MAP3K19: variants seen among roughly 807,000 people sequenced by gnomAD.
The protein encoded by MAP3K19 is mitogen-activated protein kinase kinase kinase 19.
Under a neutral mutation model 114.4 loss-of-function variants are expected in MAP3K19, and 91 were observed. That is an observed-to-expected ratio of 0.80 (90% confidence interval 0.67 to 0.95). MAP3K19 has a LOEUF of 0.95. Ranked by LOEUF, MAP3K19 falls within the 40% of genes least tolerant of loss-of-function variation. The probability of loss-of-function intolerance (pLI) is 0.00; values close to 1 mark genes in which losing one functional copy is unlikely to be tolerated. For missense variants in MAP3K19, 1,471 were observed against 1,573.2 expected (o/e 0.94, Z 1.10); for synonymous variants, 518 against 530.5 (o/e 0.98, Z 0.32).
intron 8 of MAP3K19, 91 bp from the exon 9 acceptor site, chr2:134,991,671 T>C: frequency 9.7e-7 from 1 of 1,033,540 alleles, no homozygotes; most frequent in Non-Finnish European, 1.5e-6. Flanking sequence ...ATACAGATGC[T>C]AAGGGGTCTG....
chr2:135,039,395 A>C (rs56174523), intron 2 of MAP3K19, among the ~76,000 whole-genome samples: 39,163 of 150,044 alleles, frequency 0.26, 6,903 homozygotes, highest in African/African-American at 0.48. Context: ...CCAGCCTGGG[A>C]AACATGCTGA....
chr2:135,011,670 T>TTTGTTTGTTTGTTTGA (rs1687246871), intron 5 of MAP3K19, among the ~76,000 whole-genome samples: 1 of 142,034 alleles, frequency 7.0e-6, no homozygotes, highest in Non-Finnish European at 1.5e-5. Context: ...TTTGATGTTG[T>TTTGTTTGTTTGTTTGA]TTGTTTGTTT....
rs1685084662 is a variant in MAP3K19 at position 134,986,155 on chromosome 2, A to G, written c.2717T>C (p.Phe906Ser). 1 of 1,613,902 alleles carries G rather than the reference A, an allele frequency of 6.2e-7. No homozygotes were observed. The highest frequency in any genetic ancestry group is 1.3e-5 in the African/African-American group (1 of 75,062). The part of the protein sequence containing the change: ...VSDHSKTLTN[F>S]SFQAKQESAS... The stretch of plus-strand genomic sequence containing the variant: ...ACTTTCTTGTTTTGCTTGGAAAGAG[A>G]AATTTGTAAGTGTTTTAGAGTGATC... Residue 906 changes from phenylalanine to serine, a missense_variant, in exon 10 of 13, where the codon TTC (phenylalanine) becomes TCC (serine). By Grantham distance (155) the Phe-to-Ser change is radical. Transcript: ENST00000392915.
rs774388261 is a variant in MAP3K19, at chr2:134,988,047, C to T, written c.825G>A (p.Pro275=). ...PGALVKSLMD[P]TLRSSDGFIW... ...TGAAGCCATCAGAAGACCTGAGAGT[C>T]GGATCCATCAACGACTTAACTAGGG... Residue 275 remains proline, a synonymous_variant, in exon 10 of 13, where the codon CCG becomes CCA. Transcript: ENST00000392915. 25 of 1,613,670 alleles carry T rather than the reference C, an allele frequency of 1.5e-5. No individual in the cohort carries two copies. The highest frequency in any genetic ancestry group is 6.7e-5 in the East Asian group (3 of 44,886).
intron 1 of MAP3K19, among the ~76,000 whole-genome samples, chr2:135,042,872 G>A (rs969007739): frequency 7.2e-5 from 11 of 152,054 alleles, no homozygotes; most frequent in Middle Eastern, 3.2e-3. Context: ...ACCTGAGTTC[G>A]GGAGTTCAAG....
chr2:135,012,307 C>A (rs1687286668), intron 5 of MAP3K19, among the ~76,000 whole-genome samples: 1 of 152,024 alleles, frequency 6.6e-6, no homozygotes, highest in Admixed American at 6.6e-5. Context: ...TGTCAAATGA[C>A]CCCCTAGGGT....
intron 11 of MAP3K19, chr2:134,983,101 G>T: frequency 2.2e-6 from 1 of 456,804 alleles, no homozygotes; most frequent in East Asian, 5.7e-5. Flanking sequence ...ACAATATATT[G>T]TTGTTAACTA....
chr2:134,968,664 C>G (rs1351238054), intron 12 of MAP3K19, among the ~76,000 whole-genome samples: 5 of 151,668 alleles, frequency 3.3e-5, no homozygotes, highest in Non-Finnish European at 5.9e-5. Context: ...CTCCTCACCT[C>G]CCAGACGGGG....
chr2:135,036,080 C>T (rs868279906), intron 2 of MAP3K19, among the ~76,000 whole-genome samples: 5 of 152,090 alleles, frequency 3.3e-5, no homozygotes, highest in East Asian at 1.9e-4. Flanking sequence ...GTGATCCGCC[C>T]GCCTCAGCCT....
chr2:134,992,185 A>G (rs2105261178), intron 8 of MAP3K19, among the ~76,000 whole-genome samples: 1 of 152,338 alleles, frequency 6.6e-6, no homozygotes, highest in Admixed American at 6.5e-5. Context: ...CGTTTCTGAC[A>G]TTCAGTCATC....
chr2:135,004,001 G>C (rs1292126950), intron 6 of MAP3K19, among the ~76,000 whole-genome samples: 1 of 152,242 alleles, frequency 6.6e-6, no homozygotes, highest in Admixed American at 6.5e-5. Context: ...ATCAGGAAGA[G>C]AATTGCTTCT....
At chr2:135,035,313 C>T (rs1382070642) in intron 2 of MAP3K19, among the ~76,000 whole-genome samples, 2 of 152,178 alleles carry the variant, frequency 1.3e-5, no homozygotes, top group African/African-American at 4.8e-5. Flanking sequence ...AGGAGGATCA[C>T]CTCAGCCCAG....
At chr2:134,984,781 G>A (rs1291567031) in intron 10 of MAP3K19, among the ~76,000 whole-genome samples, 2 of 152,132 alleles carry the variant, frequency 1.3e-5, no homozygotes, top group Non-Finnish European at 1.5e-5. Context: ...GTGAAATCCC[G>A]TCTCTACTAA....
In MAP3K19 at chr2:135,023,578, A is replaced by C. The variant is rs1165168041; in HGVS notation, c.22+1048T>G. The C allele has an allele frequency of 5.7e-6, 3 of 528,220 alleles. No homozygotes were observed. The East Asian group carries it at 1.6e-4, about 29-fold the overall frequency. The allele number at this position is 528,220 out of a possible 1,614,324, so 32.7% of individuals were successfully genotyped here. On this transcript the variant is annotated intron_variant, in intron 4 of 12. Transcript: ENST00000392915. ...CTGCACTTTCCAGGCCTTAAAATTTAGTCATCTTTGACTCAAGTTTCTCAG... is the reference window on the plus strand; with the variant it reads ...CTGCACTTTCCAGGCCTTAAAATTTCGTCATCTTTGACTCAAGTTTCTCAG...
In MAP3K19 at chr2:134,981,280, C is replaced by T. The variant is rs56349597; in HGVS notation, c.3461G>A (p.Arg1154His). Residue 1154 changes from arginine to histidine, a missense_variant, in exon 12 of 13, where the codon CGT (arginine) becomes CAT (histidine). Transcript: ENST00000392915. Reference sequence around the variant, plus strand: ...CACCATCTCAGGCAATGGCCCAAAACGGTTTATAATACTAGAGATTGAGCC... The same window carrying T: ...CACCATCTCAGGCAATGGCCCAAAATGGTTTATAATACTAGAGATTGAGCC... ...PGGSISSIIN[R>H]FGPLPEMVFC... 538 of 1,614,186 alleles carry T rather than the reference C, an allele frequency of 3.3e-4. 4 individuals carry two copies. In the East Asian group the frequency reaches 9.2e-3, roughly 28 times the overall value.
intron 5 of MAP3K19, among the ~76,000 whole-genome samples, chr2:135,020,818 C>A (rs746587142): frequency 6.6e-5 from 10 of 152,164 alleles, no homozygotes; most frequent in Non-Finnish European, 1.2e-4. Flanking sequence ...GATGTGCCTG[C>A]TTCCCCTTTG....
chr2:134,969,132 G>C (rs948995747), intron 12 of MAP3K19, among the ~76,000 whole-genome samples: 3 of 152,084 alleles, frequency 2.0e-5, no homozygotes, highest in Non-Finnish European at 1.5e-5. Context: ...CGGATCACTC[G>C]CGGTTAGGAG....
chr2:135,023,405 C>T lies in MAP3K19; in HGVS notation c.22+1221G>A, dbSNP rs570333675. 3 of 530,134 alleles carry T rather than the reference C, an allele frequency of 5.7e-6. No individual in the cohort carries two copies. The Admixed American group carries it at 5.9e-5, about 10-fold the overall frequency. The allele number at this position is 530,134 out of a possible 1,614,324, so 32.8% of individuals were successfully genotyped here. ...TCTCATCAGTCCCTCAATGACCTCA[C>T]CCACCATCATGTCCTCACAATCTCC... On this transcript the variant is annotated intron_variant, in intron 4 of 12. Transcript: ENST00000392915.
At chr2:135,021,884 C>T (rs570477894) in intron 4 of MAP3K19, 54 bp from the exon 5 acceptor site, 165 of 1,129,862 alleles carry the variant, frequency 1.5e-4, no homozygotes, top group Non-Finnish European at 2.0e-4. Flanking sequence ...CCAGCAATTT[C>T]AAAAGAAGAT....
Sources: gnomAD v4.1 joint callset for allele counts (sites outside exome capture counted in the v4.1 genomes callset) on GRCh38, gnomAD v4.1.1 for gene constraint, MANE v1.5 for transcripts, NCBI Gene and HGNC (gene_info 2026-07-23, HGNC 2026-07-21) for gene names.